The following DAB1 variants were observed in gnomAD, a reference collection of about 807,000 sequenced individuals.
The protein encoded by DAB1 is disabled homolog 1.
Under a neutral mutation model 64.6 loss-of-function variants are expected in DAB1, and 15 were observed. That is an observed-to-expected ratio of 0.23 (90% CI 0.16 to 0.36). The LOEUF is 0.36. Among genes scored for constraint, DAB1 ranks in the 10% least tolerant of loss-of-function variants. The pLI is 1.00. For synonymous variants in DAB1, 235 were observed against 251.9 expected, an observed-to-expected ratio of 0.93 and a Z score of 0.64; for missense variants, 596 against 706.7, an observed-to-expected ratio of 0.84 and a Z score of 1.78.
chr1:57,793,403 C>A (rs1650696187), intron 6 of DAB1, among the ~76,000 whole-genome samples: 1 of 152,112 alleles, frequency 6.6e-6, no homozygotes, highest in South Asian at 2.1e-4. Context: ...GAATGTTGAT[C>A]CTGATAACAT....
intron 1 of DAB1, among the ~76,000 whole-genome samples, chr1:57,842,539 A>G (rs1418925849): frequency 6.6e-6 from 1 of 152,210 alleles, no homozygotes; most frequent in Non-Finnish European, 1.5e-5. Context: ...TGAAAAAAAA[A>G]GTCTAATTGG....
At chr1:57,840,581 T>G (rs1359122708) in intron 1 of DAB1, among the ~76,000 whole-genome samples, 1 of 152,080 alleles carries the variant, frequency 6.6e-6, no homozygotes, top group Admixed American at 6.5e-5. Flanking sequence ...TGACTCACAG[T>G]TCCACATGGC....
intron 2 of DAB1, among the ~76,000 whole-genome samples, chr1:57,221,138 A>G (rs1449090602): frequency 6.6e-6 from 1 of 151,724 alleles, no homozygotes; most frequent in Non-Finnish European, 1.5e-5. Flanking sequence ...TCAGCAAACT[A>G]TTGCAGGGAC....
chr1:58,438,654 G>A (rs1276307423), intron 3 of DAB1, among the ~76,000 whole-genome samples: 1 of 152,168 alleles, frequency 6.6e-6, no homozygotes, highest in Non-Finnish European at 1.5e-5. Flanking sequence ...GACACCACAC[G>A]TGTACAGAGA....
intron 2 of DAB1, among the ~76,000 whole-genome samples, chr1:57,175,351 G>T (rs1308070769): frequency 1.3e-5 from 2 of 148,854 alleles, no homozygotes; most frequent in Non-Finnish European, 3.0e-5. Context: ...ACAAACTACA[G>T]GTTCCAATCT....
At chr1:57,343,737 C>T (rs556458745) in intron 1 of DAB1, among the ~76,000 whole-genome samples, 3 of 152,252 alleles carry the variant, frequency 2.0e-5, no homozygotes, top group Non-Finnish European at 4.4e-5. Flanking sequence ...ACCCAGAACT[C>T]GCGCTGGCCC....
chr1:57,774,731 C>T lies in DAB1; in HGVS notation n.551+109268G>A, dbSNP rs568218705. ...GTTGATTAATTTTCAAATTATCAAC[C>T]AATGTTGTGTTCTGGATATAAACTC... On this transcript the variant is annotated intron_variant and non_coding_transcript_variant, in intron 6 of 20. Transcript: ENST00000485760. 1.6e-3 allele frequency among the ~76,000 whole-genome samples: 244 copies of T among 151,676 alleles called. 1 individual carries two copies. Among genetic ancestry groups the T allele is most frequent in the African/African-American group, 5.7e-3 (237 of 41,454 alleles).
intron 7 of DAB1, among the ~76,000 whole-genome samples, chr1:57,574,315 A>G (rs1403459468): frequency 1.3e-5 from 2 of 152,134 alleles, no homozygotes; most frequent in African/African-American, 4.8e-5. Flanking sequence ...AGGACTGGAC[A>G]CTTGGTAGGG....
chr1:58,381,752 G>A (rs1310892010), intron 3 of DAB1, among the ~76,000 whole-genome samples: 1 of 152,190 alleles, frequency 6.6e-6, no homozygotes, highest in African/African-American at 2.4e-5. Flanking sequence ...ATGTTAACTG[G>A]GTGATAACCA....
chr1:58,156,358 T>C (rs563539747), intron 4 of DAB1, among the ~76,000 whole-genome samples: 14 of 152,320 alleles, frequency 9.2e-5, no homozygotes, highest in Non-Finnish European at 1.2e-4. Context: ...CATTGCTGTG[T>C]ATCTTAGCGC....
At chr1:57,306,276 C>T (rs1051948416) in intron 1 of DAB1, among the ~76,000 whole-genome samples, 7 of 152,150 alleles carry the variant, frequency 4.6e-5, no homozygotes, top group Non-Finnish European at 1.0e-4. Flanking sequence ...TCCTTATCTA[C>T]CTATATCTTG....
intron 5 of DAB1, among the ~76,000 whole-genome samples, chr1:58,072,085 T>TGGGGGGGGGG: frequency 3.7e-5 from 3 of 82,084 alleles, no homozygotes; most frequent in East Asian, 1.3e-3. Context: ...ATTGGTGGGG[T>TGGGGGGGGGG]GGGGGGGGGT....
intron 4 of DAB1, among the ~76,000 whole-genome samples, chr1:58,330,696 C>G (rs1427515440): frequency 6.6e-6 from 1 of 152,200 alleles, no homozygotes; most frequent in Admixed American, 6.5e-5. Flanking sequence ...GTTAAATCTA[C>G]TTTGCCTGTG....
chr1:57,514,855 G>A (rs1320928185), intron 7 of DAB1, among the ~76,000 whole-genome samples: 2 of 152,118 alleles, frequency 1.3e-5, no homozygotes, highest in African/African-American at 2.4e-5. Flanking sequence ...TATCAAATAG[G>A]TTTGATAATA....
chr1:57,987,583 T>C (rs557626639), intron 5 of DAB1, among the ~76,000 whole-genome samples: 1 of 152,276 alleles, frequency 6.6e-6, no homozygotes, highest in South Asian at 2.1e-4. Context: ...AATGAATGAA[T>C]AAACCATACG....
At chr1:57,836,312 T>C (rs1008426996) in intron 1 of DAB1, among the ~76,000 whole-genome samples, 2 of 152,236 alleles carry the variant, frequency 1.3e-5, no homozygotes, top group South Asian at 4.1e-4. Flanking sequence ...TGGTCTGAAG[T>C]GTTCCATGCC....
chr1:57,837,151 A>AT (rs1652843873), intron 1 of DAB1, among the ~76,000 whole-genome samples: 1 of 152,026 alleles, frequency 6.6e-6, no homozygotes, highest in South Asian at 2.1e-4. Context: ...TTCCTCTTTG[A>AT]TTTTCTATCC....
chr1:57,922,383 A>C (rs1644820542), intron 5 of DAB1, among the ~76,000 whole-genome samples: 1 of 152,098 alleles, frequency 6.6e-6, no homozygotes, highest in Non-Finnish European at 1.5e-5. Context: ...GAAAGGAAGG[A>C]AAGAAGAAAG....
At chr1:58,433,658 G>A (rs80296634) in intron 3 of DAB1, among the ~76,000 whole-genome samples, 1 of 148,420 alleles carries the variant, frequency 6.7e-6, no homozygotes, top group Non-Finnish European at 1.5e-5. Context: ...TGTGTGGAGG[G>A]GGGGAGGCGG....
Sources: gnomAD v4.1 joint callset for allele counts (sites outside exome capture counted in the v4.1 genomes callset) on GRCh38, gnomAD v4.1.1 for gene constraint, MANE v1.5 for transcripts, NCBI Gene and HGNC (gene_info 2026-07-23, HGNC 2026-07-21) for gene names.